The following PSKH2 variants were observed in gnomAD, a reference collection of about 807,000 sequenced individuals.
PSKH2 encodes serine/threonine-protein kinase H2.
Under a neutral mutation model 22.5 loss-of-function variants are expected in PSKH2, and 16 were observed. The observed-to-expected ratio is 0.71, with a 90% confidence interval of 0.48 to 1.08. PSKH2 has a LOEUF of 1.08. Among genes scored for constraint, PSKH2 ranks in the 50% least tolerant of loss-of-function variants. The pLI, the probability that PSKH2 is intolerant of heterozygous loss-of-function variation, is 0.00. For missense variants in PSKH2, 516 were observed against 492.8 expected, an observed-to-expected ratio of 1.05 and a Z score of -0.44; for synonymous variants, 188 against 184.8, an observed-to-expected ratio of 1.02 and a Z score of -0.14.
chr8:86,059,513 C>T (rs911763977), intron 2 of PSKH2, among the ~76,000 whole-genome samples: 1 of 152,110 alleles, frequency 6.6e-6, no homozygotes. Context: ...TGCCTCATGA[C>T]CCCTCTCTCC....
At position 86,057,011 on chromosome 8, in the gene PSKH2, G is replaced by A. The variant is rs544433697; in HGVS notation, c.852+6954C>T. On this transcript the variant is annotated intron_variant, in intron 2 of 2. Coordinates refer to ENST00000276616, the MANE Select transcript of PSKH2 (RefSeq NM_033126.3). The stretch of plus-strand genomic sequence containing the variant: ...GAGTGCAGTGGTGTGATCATAGCTC[G>A]CTGCAGCTATGATCCTCTTGCCTCA... Among the ~76,000 whole-genome samples the A allele has an allele frequency of 4.1e-4, 62 of 150,182 alleles. 1 individual carries two copies. The South Asian group carries it at 0.012, about 29-fold the overall frequency.
chr8:86,066,439 G>A (rs1442770294), intron 1 of PSKH2: 13 of 152,066 alleles, frequency 8.5e-5, no homozygotes, highest in African/African-American at 3.1e-4. Flanking sequence ...CTGACCTGAA[G>A]TGATCTGCCC....
At chr8:86,056,675 T>C (rs975663915) in intron 2 of PSKH2, among the ~76,000 whole-genome samples, 3 of 152,198 alleles carry the variant, frequency 2.0e-5, no homozygotes, top group African/African-American at 7.2e-5. Flanking sequence ...TGAACATATA[T>C]ACAGCACTAA....
At chr8:86,060,273 C>T (rs1392635214) in intron 2 of PSKH2, among the ~76,000 whole-genome samples, 1 of 152,094 alleles carries the variant, frequency 6.6e-6, no homozygotes, top group Non-Finnish European at 1.5e-5. Context: ...TTGTGTGGCT[C>T]CTGTGCACAG....
chr8:86,061,189 C>T (rs935454614), intron 2 of PSKH2, among the ~76,000 whole-genome samples: 1 of 152,114 alleles, frequency 6.6e-6, no homozygotes, highest in African/African-American at 2.4e-5. Flanking sequence ...CTCTTTGCCT[C>T]CCTTGTCCTG....
At position 86,047,507 on chromosome 8, in the gene PSKH2, A is replaced by G. The variant is rs879895630; in HGVS notation, c.*955T>C. On this transcript the variant is annotated 3_prime_UTR_variant, in exon 3 of 3. Coordinates refer to ENST00000276616, the MANE Select transcript of PSKH2 (RefSeq NM_033126.3). ...TTTCTGAATAAAATAAGCAATATCAACTAATTAATCATTTATTTACTATGT... is the reference window on the plus strand; with the variant it reads ...TTTCTGAATAAAATAAGCAATATCAGCTAATTAATCATTTATTTACTATGT... Among the ~76,000 whole-genome samples, 2 of 152,180 alleles carry G rather than the reference A, an allele frequency of 1.3e-5. No homozygotes were observed. The highest frequency in any genetic ancestry group is 2.9e-5 in the Non-Finnish European group (2 of 67,996).
intron 1 of PSKH2, 51 bp downstream of exon 1, chr8:86,069,387 G>C (rs750083815): frequency 6.7e-7 from 1 of 1,482,620 alleles, no homozygotes; most frequent in Non-Finnish European, 9.0e-7. Flanking sequence ...TTGGCCAGGG[G>C]TTTTTCTTTG....
intron 2 of PSKH2, among the ~76,000 whole-genome samples, chr8:86,063,538 C>T (rs1817806787): frequency 6.6e-6 from 1 of 152,206 alleles, no homozygotes; most frequent in Non-Finnish European, 1.5e-5. Flanking sequence ...AGAAAAATCT[C>T]TCGCTAAACA....
chr8:86,051,010 AACTGTG>A (rs1817622917), intron 2 of PSKH2, among the ~76,000 whole-genome samples: 1 of 151,996 alleles, frequency 6.6e-6, no homozygotes, highest in South Asian at 2.1e-4. Context: ...TTTCCCAAGT[AACTGTG>A]ACTGCAGACC....
At chr8:86,067,577 A>G (rs1267248117) in intron 1 of PSKH2, among the ~76,000 whole-genome samples, 1 of 151,708 alleles carries the variant, frequency 6.6e-6, no homozygotes, top group Non-Finnish European at 1.5e-5. Context: ...ACAATTTTGT[A>G]TCATCCCAGA....
intron 1 of PSKH2, among the ~76,000 whole-genome samples, chr8:86,064,932 G>T (rs1020923764): frequency 4.6e-5 from 7 of 151,986 alleles, no homozygotes; most frequent in Non-Finnish European, 1.0e-4. Context: ...AAACCCTGCT[G>T]GGTAATATAA....
chr8:86,053,907 C>T (rs141159448), intron 2 of PSKH2, among the ~76,000 whole-genome samples: 96 of 152,124 alleles, frequency 6.3e-4, no homozygotes, highest in South Asian at 2.5e-3. Context: ...CATGGTGACA[C>T]GCAGCGGTAG....
chr8:86,053,412 G>T (rs1817659859), intron 2 of PSKH2, among the ~76,000 whole-genome samples: 1 of 152,024 alleles, frequency 6.6e-6, no homozygotes, highest in Non-Finnish European at 1.5e-5. Context: ...TAAATGTTCT[G>T]TTCAGGCTTC....
At chr8:86,049,500 A>G (rs928110413) in intron 2 of PSKH2, among the ~76,000 whole-genome samples, 1 of 151,234 alleles carries the variant, frequency 6.6e-6, no homozygotes, top group East Asian at 2.0e-4. Flanking sequence ...TCAAGGCTGC[A>G]GTGAGCTATG....
intron 2 of PSKH2, among the ~76,000 whole-genome samples, chr8:86,062,785 A>G (rs1046408220): frequency 6.6e-6 from 1 of 152,166 alleles, no homozygotes; most frequent in Non-Finnish European, 1.5e-5. Context: ...ATGGACTAAG[A>G]CAGTTCTAGA....
At chr8:86,059,086 C>A (rs1450019086) in intron 2 of PSKH2, among the ~76,000 whole-genome samples, 2 of 152,086 alleles carry the variant, frequency 1.3e-5, no homozygotes, top group Non-Finnish European at 2.9e-5. Context: ...ACTACAGGCA[C>A]ACATCACTAT....
rs1442628887 is a variant in PSKH2, at chr8:86,048,223, T to C, written c.*239A>G. 1.8e-5 allele frequency: 7 copies of C among 398,996 alleles called. No individual in the cohort carries two copies. Among genetic ancestry groups the C allele is most frequent in the Non-Finnish European group, 2.7e-5 (6 of 221,596 alleles). The allele number at this position is 398,996 out of a possible 1,614,324, so 24.7% of individuals were successfully genotyped here. On this transcript the variant is annotated 3_prime_UTR_variant, in exon 3 of 3. Transcript: ENST00000276616. ...TACTTTAAAGATTTTCTTATCTATT[T>C]ATTGTTTCCAGTTATCTAAACATAG... is the stretch of plus-strand genomic sequence containing the variant.
chr8:86,055,055 A>G (rs760541104), intron 2 of PSKH2, among the ~76,000 whole-genome samples: 5 of 152,196 alleles, frequency 3.3e-5, no homozygotes, highest in Non-Finnish European at 7.4e-5. Flanking sequence ...TTTATTATTC[A>G]TAACTGGTGC....
At chr8:86,069,350 C>A in intron 1 of PSKH2, 88 bp downstream of exon 1, 2 of 1,287,786 alleles carry the variant, frequency 1.6e-6, no homozygotes, top group South Asian at 3.3e-5. Context: ...AAAATTGAGT[C>A]AAGCTGAAGG....
Sources: gnomAD v4.1 joint callset for allele counts (sites outside exome capture counted in the v4.1 genomes callset) on GRCh38, gnomAD v4.1.1 for gene constraint, MANE v1.5 for transcripts, NCBI Gene and HGNC (gene_info 2026-07-23, HGNC 2026-07-21) for gene names.